The following TMPRSS7 variants were observed in gnomAD, a reference collection of about 807,000 sequenced individuals.
TMPRSS7 encodes transmembrane protease serine 7.
In TMPRSS7, 81 loss-of-function variants were observed where a neutral mutation model predicts 95.6. The ratio of observed to expected loss-of-function variants is 0.85; its 90% confidence interval spans 0.71 to 1.02. The LOEUF (loss-of-function observed/expected upper bound fraction) is 1.02. TMPRSS7 is among the 50% of genes least tolerant of loss of function. The pLI, the probability that TMPRSS7 is intolerant of heterozygous loss-of-function variation, is 0.00. For missense variants in TMPRSS7, 945 were observed against 955.2 expected (o/e 0.99, Z 0.14); for synonymous variants, 364 against 337.8 (o/e 1.08, Z -0.85).
At chr3:112,066,998 G>A (rs1017589403) in intron 13 of TMPRSS7, among the ~76,000 whole-genome samples, 2 of 152,032 alleles carry the variant, frequency 1.3e-5, no homozygotes, top group Admixed American at 1.3e-4. Context: ...CCCCCTGACA[G>A]GCCCTGGTGT....
chr3:112,053,495 A>G (rs567895704), intron 9 of TMPRSS7, among the ~76,000 whole-genome samples: 3 of 152,342 alleles, frequency 2.0e-5, no homozygotes, highest in African/African-American at 7.2e-5. Context: ...TAGTAGCAAG[A>G]TAAAGTTCTT....
intron 9 of TMPRSS7, among the ~76,000 whole-genome samples, chr3:112,054,929 C>CG (rs1362695117): frequency 6.6e-6 from 1 of 151,682 alleles, no homozygotes; most frequent in Non-Finnish European, 1.5e-5. Flanking sequence ...TTAGTAGAGA[C>CG]GGAGTTTCAC....
exon 5 of TMPRSS7, chr3:112,045,905 A>G (rs1174793141): frequency 6.4e-7 from 1 of 1,551,870 alleles, no homozygotes; most frequent in Non-Finnish European, 8.7e-7. Context: ...GGGAGCTTGC[A>G]GGGACTGGCT....
chr3:112,036,825 G>A lies in TMPRSS7; in HGVS notation c.49-1247G>A, dbSNP rs535121742. On this transcript the variant is annotated intron_variant, in intron 1 of 17. Coordinates refer to ENST00000452346, the Ensembl canonical transcript of TMPRSS7. ...AGAACATAAATTGTGAAGATTTCAC[G>A]GACATTTATTGGTTCCCTAAATTAA... is the stretch of plus-strand genomic sequence containing the variant. 5.3e-5 allele frequency among the ~76,000 whole-genome samples: 8 copies of A among 152,248 alleles called. No homozygotes were observed. In the East Asian group the frequency reaches 7.7e-4, roughly 15 times the overall value.
chr3:112,071,275 C>G (rs998441388), intron 13 of TMPRSS7, among the ~76,000 whole-genome samples: 1 of 152,150 alleles, frequency 6.6e-6, no homozygotes, highest in African/African-American at 2.4e-5. Flanking sequence ...ATATTGGCCC[C>G]CATTCTTTTC....
chr3:112,071,903 G>A (rs148005270), intron 13 of TMPRSS7, among the ~76,000 whole-genome samples: 166 of 152,206 alleles, frequency 1.1e-3, no homozygotes, highest in Middle Eastern at 3.4e-3. Flanking sequence ...ATCTCCTTTA[G>A]CTCAGCGAAG....
chr3:112,056,967 A>G (rs1272004331), intron 9 of TMPRSS7, 58 bp from the exon 10 acceptor site: 5 of 1,229,372 alleles, frequency 4.1e-6, no homozygotes, highest in Non-Finnish European at 3.5e-6. Context: ...CCAAGGGAAT[A>G]AGTAAATACA....
chr3:112,036,044 C>A (rs548400585), intron 1 of TMPRSS7, among the ~76,000 whole-genome samples: 2 of 152,250 alleles, frequency 1.3e-5, no homozygotes, highest in South Asian at 4.2e-4. Flanking sequence ...ACATGCTTTA[C>A]GAACAATTTG....
intron 15 of TMPRSS7, among the ~76,000 whole-genome samples, chr3:112,075,984 A>C (rs111251528): frequency 6.6e-6 from 1 of 152,292 alleles, no homozygotes; most frequent in Non-Finnish European, 1.5e-5. Flanking sequence ...TTAGTATTTC[A>C]ATGAAGTTAC....
rs570657401 is a variant in TMPRSS7 at position 112,059,134 on chromosome 3, A to T, written c.1310+2003A>T. 5.3e-4 allele frequency among the ~76,000 whole-genome samples: 81 copies of T among 152,300 alleles called. 1 individual carries two copies. Among genetic ancestry groups the T allele is most frequent in the Non-Finnish European group, 8.7e-4 (59 of 68,024 alleles). ...AGGTGTGAATGCTCAGGGCAGCTGG[A>T]CTACGGTATATGAACCCCGAAGAAA... On this transcript the variant is annotated intron_variant, in intron 10 of 17. Coordinates refer to ENST00000452346, the Ensembl canonical transcript of TMPRSS7.
intron 2 of TMPRSS7, 22 bp downstream of exon 2, chr3:112,038,343 C>A (rs1486546838): frequency 5.7e-6 from 4 of 698,468 alleles, no homozygotes; most frequent in Non-Finnish European, 7.8e-6. Context: ...ATCTGTGTTT[C>A]TTTGGGGTTA....
At chr3:112,034,758 G>T (rs547614363), upstream of TMPRSS7, 111 of 684,320 alleles carry the variant, frequency 1.6e-4, no homozygotes, top group African/African-American at 1.7e-3. Context: ...TGCGGTGACG[G>T]TTCTCTCAAT....
At chr3:112,046,130 A>G (rs1170344290) in intron 5 of TMPRSS7, among the ~76,000 whole-genome samples, 187 bp downstream of exon 5, 2 of 152,224 alleles carry the variant, frequency 1.3e-5, no homozygotes, top group African/African-American at 4.8e-5. Context: ...GTATATTGCA[A>G]TTGAACAATA....
exon 18 of TMPRSS7, chr3:112,081,116 G>C: frequency 6.4e-7 from 1 of 1,570,066 alleles, no homozygotes; most frequent in Non-Finnish European, 8.6e-7. Flanking sequence ...TGTGATTTAT[G>C]TTAAAAATAG....
At chr3:112,076,614 A>C (rs2073712114) in intron 15 of TMPRSS7, among the ~76,000 whole-genome samples, 1 of 152,150 alleles carries the variant, frequency 6.6e-6, no homozygotes, top group Non-Finnish European at 1.5e-5. Flanking sequence ...ATGTCCAGGC[A>C]TTTGCTTAGG....
chr3:112,064,626 G>T (rs189110159), intron 12 of TMPRSS7, among the ~76,000 whole-genome samples: 9 of 152,300 alleles, frequency 5.9e-5, no homozygotes, highest in African/African-American at 2.2e-4. Context: ...GCCTCCCAAA[G>T]TGTTGAGATT....
At chr3:112,059,435 C>G (rs1473975110) in intron 10 of TMPRSS7, among the ~76,000 whole-genome samples, 1 of 152,202 alleles carries the variant, frequency 6.6e-6, no homozygotes, top group Non-Finnish European at 1.5e-5. Flanking sequence ...TAAACTCCAG[C>G]CCAAGCCTGT....
In TMPRSS7 at chr3:112,044,328, G is replaced by T; in HGVS notation, c.497+6G>T. 6.5e-7 allele frequency: 1 copy of T among 1,549,800 alleles called. No homozygotes were observed. Reference sequence around the variant, plus strand: ...TCTGTTGTTGCAGATGTCAGGTAATGCATGTCCCTTGTTTTGAGATTTCTG... The same window carrying T: ...TCTGTTGTTGCAGATGTCAGGTAATTCATGTCCCTTGTTTTGAGATTTCTG... On this transcript the variant is annotated splice_donor_region_variant and intron_variant, in intron 4 of 17. Transcript: ENST00000452346.
chr3:112,066,317 T>C, intron 12 of TMPRSS7, 75 bp from the exon 13 acceptor site: 1 of 1,245,904 alleles, frequency 8.0e-7, no homozygotes, highest in South Asian at 1.2e-5. Flanking sequence ...ACCTTGAGAC[T>C]GGCACTGCTG....
Sources: allele counts gnomAD v4.1 joint callset (sites outside exome capture counted in the v4.1 genomes callset), GRCh38; gene constraint gnomAD v4.1.1; transcripts MANE v1.5; gene names NCBI Gene and HGNC (gene_info 2026-07-23, HGNC 2026-07-21).